Variants in GBP4 observed in about 807,000 individuals in gnomAD.
The protein encoded by GBP4 is guanylate binding protein 4.
Under a neutral mutation model 62.2 loss-of-function variants are expected in GBP4, and 69 were observed. That is an observed-to-expected ratio of 1.11 (90% CI 0.91 to 1.36). GBP4 has a LOEUF of 1.36. Ranked by LOEUF, GBP4 falls within the 40% of genes most tolerant of loss-of-function variation. GBP4 has a pLI of 0.00. For synonymous variants in GBP4, 278 were observed against 274.6 expected, an observed-to-expected ratio of 1.01 and a Z score of -0.12; for missense variants, 697 against 759.3, an observed-to-expected ratio of 0.92 and a Z score of 0.96.
rs1431893431 is a variant in GBP4 at position 89,183,283 on chromosome 1, A to C, written c.*1971T>G. 6.6e-6 allele frequency: 1 copy of C among 152,210 alleles called. No individual in the cohort carries two copies. Among genetic ancestry groups the C allele is most frequent in the East Asian group, 1.9e-4 (1 of 5,198 alleles). 9.4% of individuals were successfully genotyped at this position (152,210 alleles called of 1,614,324 possible). ...TCATCTGATCTTGGACAAAGCTGAC[A>C]AAAACAAGCAATGGGGAAAGAAGTC... is the stretch of plus-strand genomic sequence containing the variant. On this transcript the variant is annotated 3_prime_UTR_variant, in exon 11 of 11. Coordinates refer to ENST00000355754, the MANE Select transcript of GBP4 (RefSeq NM_052941.5).
At chr1:89,194,905 T>C (rs1648288733) in intron 3 of GBP4, among the ~76,000 whole-genome samples, 1 of 152,232 alleles carries the variant, frequency 6.6e-6, no homozygotes, top group Non-Finnish European at 1.5e-5. Flanking sequence ...ACAAGCCTTC[T>C]CTAAGTCGAA....
rs146653753 is a variant in GBP4, at chr1:89,193,302, C to G, written c.473+1G>C. 2.2e-5 allele frequency: 35 copies of G among 1,613,440 alleles called. No homozygotes were observed. In the African/African-American group the frequency reaches 4.3e-4, roughly 20 times the overall value. ...CTGCTCTTCACTTCCCAGAAGGATA[C>G]TGCAGCTGCTCCAGGGCCTGGTGGT... On this transcript the variant is annotated splice_donor_variant, in intron 4 of 10. Transcript: ENST00000355754. LOFTEE classifies it high-confidence loss of function.
rs1159352892 is a variant in GBP4 at position 89,182,419 on chromosome 1, A to G, written c.*2835T>C. 1 of 152,184 alleles carries G rather than the reference A, an allele frequency of 6.6e-6. No individual in the cohort carries two copies. Among genetic ancestry groups the G allele is most frequent in the African/African-American group, 2.4e-5 (1 of 41,458 alleles). The allele number at this position is 152,184 out of a possible 1,614,324, so 9.4% of individuals were successfully genotyped here. ...AAACAGAACAAGGCAGTGAGTTTCC[A>G]AATGTTCTTCTATACAATGTCTGGA... On this transcript the variant is annotated 3_prime_UTR_variant, in exon 11 of 11. Transcript: ENST00000355754.
intron 1 of GBP4, 94 bp from the exon 2 acceptor site, chr1:89,197,398 T>A (rs1557477454): frequency 2.3e-6 from 2 of 887,422 alleles, no homozygotes; most frequent in African/African-American, 1.7e-5. Context: ...TTTTTGCTTG[T>A]GGAATGGTAT....
chr1:89,192,846 G>T, intron 5 of GBP4, 58 bp downstream of exon 5: 1 of 1,515,644 alleles, frequency 6.6e-7, no homozygotes, highest in South Asian at 1.2e-5. Flanking sequence ...TGAATAGCAG[G>T]TCTTAGTTGA....
At chr1:89,198,704 C>T (rs1190241369) in intron 1 of GBP4, 91 bp downstream of exon 1, 2 of 1,130,128 alleles carry the variant, frequency 1.8e-6, no homozygotes, top group African/African-American at 3.0e-5. Context: ...AAGTCTCCAA[C>T]CCTCCCCGTG....
At position 89,191,291 on chromosome 1, in the gene GBP4, G is replaced by A. The variant is rs61738489; in HGVS notation, c.886C>T (p.Leu296=). 9.1e-3 allele frequency: 14,689 copies of A among 1,613,772 alleles called. 94 individuals carry two copies. Among genetic ancestry groups the A allele is most frequent in the Middle Eastern group, 0.024 (146 of 6,062 alleles). Residue 296 remains leucine (L), a synonymous_variant, in exon 6 of 11, where the codon CTG becomes TTG. Coordinates refer to ENST00000355754, the MANE Select transcript of GBP4 (RefSeq NM_052941.5). ...YIFTHAKTKT[L]REGIIVTGKR... is the part of the protein sequence containing the mutation. Reference sequence around the variant, plus strand: ...CCAGTGACAATGATTCCCTCTCTCAGGGTCTTGGTCTTTGCATGGGTGAAG... The same window carrying A: ...CCAGTGACAATGATTCCCTCTCTCAAGGTCTTGGTCTTTGCATGGGTGAAG...
At chr1:89,189,859 GA>G (rs1013103717) in intron 7 of GBP4, among the ~76,000 whole-genome samples, 178 bp downstream of exon 7, 2 of 150,868 alleles carry the variant, frequency 1.3e-5, no homozygotes, top group African/African-American at 2.4e-5. Context: ...TGCAGCAATA[GA>G]AAAAAAAAGT....
intron 3 of GBP4, among the ~76,000 whole-genome samples, chr1:89,194,902 T>G (rs1305715188): frequency 1.3e-5 from 2 of 152,236 alleles, no homozygotes; most frequent in Non-Finnish European, 2.9e-5. Context: ...CCAACAAGCC[T>G]TCTCTAAGTC....
chr1:89,193,298 G>A lies in GBP4; in HGVS notation c.473+5C>T. On this transcript the variant is annotated splice_donor_5th_base_variant and intron_variant, in intron 4 of 10. Coordinates refer to ENST00000355754, the MANE Select transcript of GBP4 (RefSeq NM_052941.5). ...AAACCTGCTCTTCACTTCCCAGAAG[G>A]ATACTGCAGCTGCTCCAGGGCCTGG... 1.2e-6 allele frequency: 2 copies of A among 1,613,046 alleles called. No homozygotes were observed. The highest frequency in any genetic ancestry group is 8.5e-7 in the Non-Finnish European group (1 of 1,179,274).
intron 8 of GBP4, among the ~76,000 whole-genome samples, 165 bp downstream of exon 8, chr1:89,188,410 GATTTCTT>G (rs1648094647): frequency 6.6e-6 from 1 of 152,128 alleles, no homozygotes; most frequent in Non-Finnish European, 1.5e-5. Flanking sequence ...AAATATTTCT[GATTTCTT>G]AAGAGTGTCT....
intron 2 of GBP4, among the ~76,000 whole-genome samples, chr1:89,196,369 A>G (rs1269557274): frequency 5.3e-5 from 8 of 152,212 alleles, no homozygotes; most frequent in Non-Finnish European, 1.2e-4. Context: ...AACCTAAACT[A>G]TGTTTTAGAA....
Position 89,182,072 on chromosome 1 carries a change from G to C in GBP4, c.*3182C>G, listed in dbSNP as rs1647895996. 1 of 152,196 alleles carries C rather than the reference G, an allele frequency of 6.6e-6. No individual in the cohort carries two copies. Among genetic ancestry groups the C allele is most frequent in the Non-Finnish European group, 1.5e-5 (1 of 68,038 alleles). The allele number at this position is 152,196 out of a possible 1,614,324, so 9.4% of individuals were successfully genotyped here. A position where few individuals can be genotyped will look rare whatever the true frequency, so the allele number is the denominator to read the frequency against. On this transcript the variant is annotated 3_prime_UTR_variant, in exon 11 of 11. Coordinates refer to ENST00000355754, the MANE Select transcript of GBP4 (RefSeq NM_052941.5). Reference sequence around the variant, plus strand: ...CACAGCTTTGTAAATAAAGGACATAGGGTGAGGAAGCCGGGTTGTTTTAAG... The same window carrying C: ...CACAGCTTTGTAAATAAAGGACATACGGTGAGGAAGCCGGGTTGTTTTAAG...
chr1:89,198,711 C>G (rs1648414122), intron 1 of GBP4, 84 bp downstream of exon 1: 8 of 1,175,238 alleles, frequency 6.8e-6, no homozygotes, highest in Non-Finnish European at 1.0e-5. Flanking sequence ...CAACCCTCCC[C>G]GTGTGCAGTC....
intron 3 of GBP4, among the ~76,000 whole-genome samples, chr1:89,194,906 C>G (rs1294742707): frequency 6.6e-6 from 1 of 152,210 alleles, no homozygotes; most frequent in Non-Finnish European, 1.5e-5. Context: ...CAAGCCTTCT[C>G]TAAGTCGAAT....
chr1:89,186,205 T>C, intron 10 of GBP4, 128 bp downstream of exon 10: 1 of 719,554 alleles, frequency 1.4e-6, no homozygotes, highest in South Asian at 1.8e-5. Context: ...GTATTTGAGA[T>C]TTTAGTGAAA....
chr1:89,181,551 A>G lies in GBP4; in HGVS notation c.*3703T>C, dbSNP rs1165613405. ...TAGATATAAAATATATTTACTAACT[A>G]TAAGTATATATTTACTAAACATATA... On this transcript the variant is annotated 3_prime_UTR_variant, in exon 11 of 11. Coordinates refer to ENST00000355754, the MANE Select transcript of GBP4 (RefSeq NM_052941.5). 6.6e-6 allele frequency: 1 copy of G among 152,048 alleles called. No individual in the cohort carries two copies. The highest frequency in any genetic ancestry group is 1.5e-5 in the Non-Finnish European group (1 of 68,018). 9.4% of individuals were successfully genotyped at this position (152,048 alleles called of 1,614,324 possible).
In GBP4 at chr1:89,198,895, C is replaced by A; in HGVS notation, c.-61G>T. The A allele has an allele frequency of 3.3e-6, 5 of 1,515,622 alleles. No homozygotes were observed. The highest frequency in any genetic ancestry group is 4.6e-6 in the Non-Finnish European group (5 of 1,090,176). The allele number at this position is 1,515,622 out of a possible 1,614,324, so 93.9% of individuals were successfully genotyped here. A position where few individuals can be genotyped will look rare whatever the true frequency, so the allele number is the denominator to read the frequency against. On this transcript the variant is annotated 5_prime_UTR_variant, in exon 1 of 11. An upstream open reading frame in the 5' UTR gains an earlier in-frame stop. Transcript: ENST00000355754. ...GGACTGTTCTTAGAAGCTGAAAGTC[C>A]AGCCGGATTTACAGACATCCAAGTA...
Position 89,193,302 on chromosome 1 carries a change from C to T in GBP4, c.473+1G>A, listed in dbSNP as rs146653753. On this transcript the variant is annotated splice_donor_variant, in intron 4 of 10. Transcript: ENST00000355754. LOFTEE classifies it high-confidence loss of function. ...CTGCTCTTCACTTCCCAGAAGGATA[C>T]TGCAGCTGCTCCAGGGCCTGGTGGT... 4 of 1,613,558 alleles carry T rather than the reference C, an allele frequency of 2.5e-6. No homozygotes were observed. The highest frequency in any genetic ancestry group is 1.1e-5 in the South Asian group (1 of 91,060).
Sources: allele counts gnomAD v4.1 joint callset (sites outside exome capture counted in the v4.1 genomes callset), GRCh38; gene constraint gnomAD v4.1.1; transcripts MANE v1.5; gene names NCBI Gene and HGNC (gene_info 2026-07-23, HGNC 2026-07-21).